Variants in HS3ST4 observed in about 807,000 individuals in gnomAD.
The protein encoded by HS3ST4 is heparan sulfate-glucosamine 3-sulfotransferase 4.
In HS3ST4, 17 loss-of-function variants were observed where a neutral mutation model predicts 29.2. The ratio of observed to expected loss-of-function variants is 0.58; its 90% CI spans 0.40 to 0.87. The LOEUF (loss-of-function observed/expected upper bound fraction) is 0.87, where lower values mean the gene tolerates loss of function less well. HS3ST4 is among the 40% of genes least tolerant of loss of function. The pLI, the probability that HS3ST4 is intolerant of heterozygous loss-of-function variation, is 0.00. For synonymous variants in HS3ST4, 314 were observed against 285.7 expected (o/e 1.10, Z -1.00); for missense variants, 627 against 634.5 (o/e 0.99, Z 0.13).
chr16:25,957,010 A>AAG (rs1327036300), intron 1 of HS3ST4, among the ~76,000 whole-genome samples: 1 of 151,536 alleles, frequency 6.6e-6, no homozygotes, highest in Non-Finnish European at 1.5e-5. Context: ...AAAAAAAAAA[A>AAG]AAAAAAAGCA....
At chr16:26,044,070 G>T (rs1898236582) in intron 1 of HS3ST4, among the ~76,000 whole-genome samples, 1 of 152,180 alleles carries the variant, frequency 6.6e-6, no homozygotes, top group African/African-American at 2.4e-5. Flanking sequence ...GCTGGTAAGT[G>T]GTGTTGGTGG....
At chr16:26,006,406 A>G (rs969366343) in intron 1 of HS3ST4, among the ~76,000 whole-genome samples, 5 of 150,116 alleles carry the variant, frequency 3.3e-5, no homozygotes, top group African/African-American at 1.2e-4. Flanking sequence ...TTAAGGTGAG[A>G]GTGTAAACTG....
At chr16:26,064,947 T>C (rs1162558644) in intron 1 of HS3ST4, among the ~76,000 whole-genome samples, 3 of 152,204 alleles carry the variant, frequency 2.0e-5, no homozygotes, top group Admixed American at 6.5e-5. Context: ...TGGCTGTTCA[T>C]ACCATCACCA....
At chr16:25,974,663 G>A (rs1968927140) in intron 1 of HS3ST4, among the ~76,000 whole-genome samples, 1 of 152,072 alleles carries the variant, frequency 6.6e-6, no homozygotes, top group Non-Finnish European at 1.5e-5. Flanking sequence ...GGAAATAACA[G>A]GAGTTATCTG....
intron 1 of HS3ST4, among the ~76,000 whole-genome samples, chr16:26,016,966 G>T (rs1412371008): frequency 1.3e-5 from 2 of 152,142 alleles, no homozygotes; most frequent in Non-Finnish European, 2.9e-5. Flanking sequence ...TTATTATTCA[G>T]CCACAGTCAA....
intron 1 of HS3ST4, among the ~76,000 whole-genome samples, chr16:25,829,469 TA>T (rs1967271709): frequency 6.6e-6 from 1 of 152,228 alleles, no homozygotes; most frequent in Non-Finnish European, 1.5e-5. Flanking sequence ...GTTTGTTACG[TA>T]GGTATACATG....
intron 1 of HS3ST4, among the ~76,000 whole-genome samples, chr16:26,089,169 T>C (rs2141788046): frequency 6.6e-6 from 1 of 152,330 alleles, no homozygotes; most frequent in South Asian, 2.1e-4. Context: ...CTAGAAGACT[T>C]GTTGCCAGAA....
At chr16:25,739,039 C>A (rs1966632560) in intron 1 of HS3ST4, among the ~76,000 whole-genome samples, 1 of 151,968 alleles carries the variant, frequency 6.6e-6, no homozygotes, top group South Asian at 2.1e-4. Flanking sequence ...CAGAACCTTG[C>A]ACTTTATAAA....
At chr16:26,068,274 A>G (rs185965711) in intron 1 of HS3ST4, among the ~76,000 whole-genome samples, 44 of 152,364 alleles carry the variant, frequency 2.9e-4, no homozygotes, top group Non-Finnish European at 5.0e-4. Flanking sequence ...AGACATTGCC[A>G]CATTCTGTGA....
At chr16:26,064,610 C>CTTTTT (rs869047078) in intron 1 of HS3ST4, among the ~76,000 whole-genome samples, 2 of 88,978 alleles carry the variant, frequency 2.2e-5, no homozygotes, top group African/African-American at 8.8e-5. Context: ...GGATTGTAGT[C>CTTTTT]TTTTTTTTTT....
intron 1 of HS3ST4, among the ~76,000 whole-genome samples, chr16:26,112,281 C>A (rs1415312493): frequency 6.7e-6 from 1 of 148,544 alleles, no homozygotes; most frequent in Admixed American, 6.7e-5. Flanking sequence ...TGTGTGGTGT[C>A]TTAAGACTGT....
intron 1 of HS3ST4, among the ~76,000 whole-genome samples, chr16:26,118,046 T>A (rs1393923317): frequency 6.6e-6 from 1 of 152,150 alleles, no homozygotes; most frequent in Non-Finnish European, 1.5e-5. Flanking sequence ...TTTGGTAGAA[T>A]GGTCACAGAA....
At chr16:25,918,038 C>T (rs1056647024) in intron 1 of HS3ST4, among the ~76,000 whole-genome samples, 5 of 152,150 alleles carry the variant, frequency 3.3e-5, no homozygotes, top group Admixed American at 1.3e-4. Context: ...GGGGGAGCAT[C>T]GTCTGTGGGC....
chr16:26,129,225 C>T (rs1480996787), intron 1 of HS3ST4, among the ~76,000 whole-genome samples: 3 of 152,188 alleles, frequency 2.0e-5, no homozygotes. Flanking sequence ...CTGTAACTCC[C>T]AGTGGCAAGT....
intron 1 of HS3ST4, among the ~76,000 whole-genome samples, chr16:25,774,484 T>A (rs1966845709): frequency 2.0e-5 from 3 of 152,252 alleles, no homozygotes; most frequent in Non-Finnish European, 4.4e-5. Context: ...CTTCCCTTGC[T>A]ACAGCAATGG....
intron 1 of HS3ST4, among the ~76,000 whole-genome samples, chr16:25,898,090 C>A (rs1374774696): frequency 6.6e-6 from 1 of 152,148 alleles, no homozygotes; most frequent in Admixed American, 6.5e-5. Flanking sequence ...AGGAATTCAC[C>A]CCGGCCTCTG....
intron 1 of HS3ST4, among the ~76,000 whole-genome samples, chr16:26,006,639 T>C (rs1596642248): frequency 1.3e-5 from 2 of 152,082 alleles, no homozygotes; most frequent in African/African-American, 2.4e-5. Context: ...GTGTAGAAAA[T>C]GGTACTTGGT....
At chr16:25,949,182 C>A (rs1278218767) in intron 1 of HS3ST4, among the ~76,000 whole-genome samples, 1 of 151,968 alleles carries the variant, frequency 6.6e-6, no homozygotes, top group Non-Finnish European at 1.5e-5. Flanking sequence ...GGTATCCAAC[C>A]CCTCAAGCAT....
intron 1 of HS3ST4, among the ~76,000 whole-genome samples, chr16:25,835,323 A>G (rs1450265398): frequency 6.6e-6 from 1 of 152,192 alleles, no homozygotes; most frequent in Non-Finnish European, 1.5e-5. Context: ...GCCTTGCCAT[A>G]TGAGTCAGTT....
Sources: allele counts gnomAD v4.1 joint callset (sites outside exome capture counted in the v4.1 genomes callset), GRCh38; gene constraint gnomAD v4.1.1; transcripts MANE v1.5; gene names NCBI Gene and HGNC (gene_info 2026-07-23, HGNC 2026-07-21).